The following CALCR variants were observed in gnomAD, a reference collection of about 807,000 sequenced individuals.
The protein encoded by CALCR is calcitonin receptor.
CALCR carries 47 observed loss-of-function variants against 59.5 expected under a neutral mutation model. The ratio of observed to expected loss-of-function variants is 0.79; its 90% CI spans 0.63 to 1.01. CALCR has a LOEUF of 1.01. CALCR is among the 50% of genes least tolerant of loss of function. CALCR has a pLI of 0.00. For missense variants in CALCR, 566 were observed against 597.1 expected, an observed-to-expected ratio of 0.95 and a Z score of 0.54; for synonymous variants, 213 against 211.3, an observed-to-expected ratio of 1.01 and a Z score of -0.07.
intron 5 of CALCR, among the ~76,000 whole-genome samples, chr7:93,472,770 C>A (rs928182394): frequency 7.4e-6 from 1 of 134,794 alleles, no homozygotes; most frequent in South Asian, 2.4e-4. Context: ...GAGATTGAAC[C>A]AGGATTTAGA....
chr7:93,453,885 G>A (rs556126537), intron 8 of CALCR, among the ~76,000 whole-genome samples: 2 of 152,128 alleles, frequency 1.3e-5, no homozygotes, highest in South Asian at 2.1e-4. Flanking sequence ...TGTGACCTTG[G>A]TTAAAAGACC....
rs564534583 is a variant in CALCR at position 93,438,820 on chromosome 7, C to T, written c.803-550G>A. ...AATACTTCAGAGAAGCCAGTACATT[C>T]CCTACCTTCTGTAGGTTCTGGCTAG... is the stretch of plus-strand genomic sequence containing the variant. On this transcript the variant is annotated intron_variant, in intron 9 of 13. Coordinates refer to ENST00000426151, the MANE Select transcript of CALCR (RefSeq NM_001742.4). Among the ~76,000 whole-genome samples the T allele has an allele frequency of 1.1e-4, 16 of 152,140 alleles. No individual in the cohort carries two copies. The South Asian group carries it at 2.1e-3, about 20-fold the overall frequency.
intron 2 of CALCR, among the ~76,000 whole-genome samples, chr7:93,566,246 CT>C (rs570342335): frequency 1.3e-5 from 2 of 151,432 alleles, no homozygotes; most frequent in African/African-American, 2.4e-5. Context: ...TCACATTTCA[CT>C]TTTTTTTTCT....
chr7:93,524,322 A>T (rs1461478872), intron 2 of CALCR, among the ~76,000 whole-genome samples: 1 of 151,820 alleles, frequency 6.6e-6, no homozygotes, highest in Admixed American at 6.6e-5. Context: ...GGCGCCTGCC[A>T]CCACGCCCGG....
At chr7:93,569,120 T>G (rs1445072731) in intron 2 of CALCR, among the ~76,000 whole-genome samples, 1 of 152,044 alleles carries the variant, frequency 6.6e-6, no homozygotes, top group Non-Finnish European at 1.5e-5. Flanking sequence ...CCCTAATTGA[T>G]TCTTCCCTCT....
At chr7:93,427,814 T>G (rs1799562775) in intron 13 of CALCR, among the ~76,000 whole-genome samples, 1 of 152,160 alleles carries the variant, frequency 6.6e-6, no homozygotes, top group Non-Finnish European at 1.5e-5. Context: ...GTTCATATAT[T>G]TTTAAAGATT....
At chr7:93,561,713 C>T (rs1201881275) in intron 2 of CALCR, among the ~76,000 whole-genome samples, 1 of 152,054 alleles carries the variant, frequency 6.6e-6, no homozygotes, top group Non-Finnish European at 1.5e-5. Flanking sequence ...TTTTATTTTG[C>T]TGCCAGACAG....
intron 2 of CALCR, among the ~76,000 whole-genome samples, chr7:93,524,336 A>AC (rs1801831116): frequency 6.6e-6 from 1 of 151,674 alleles, no homozygotes; most frequent in Non-Finnish European, 1.5e-5. Context: ...CGCCCGGCTA[A>AC]TTTTTTGGTA....
intron 3 of CALCR, among the ~76,000 whole-genome samples, chr7:93,480,823 G>C (rs566442612): frequency 3.3e-5 from 5 of 151,870 alleles, no homozygotes; most frequent in Non-Finnish European, 5.9e-5. Context: ...CACAAGGGGG[G>C]GTCGAGAAGC....
At chr7:93,476,310 T>G (rs1800665212) in intron 5 of CALCR, among the ~76,000 whole-genome samples, 1 of 151,844 alleles carries the variant, frequency 6.6e-6, no homozygotes, top group Non-Finnish European at 1.5e-5. Context: ...CACTATCTTT[T>G]ACCAAGTACT....
At chr7:93,430,959 T>C (rs1799647030) in intron 13 of CALCR, among the ~76,000 whole-genome samples, 1 of 152,204 alleles carries the variant, frequency 6.6e-6, no homozygotes. Context: ...CTTTATTGAG[T>C]GGGAGAATTT....
chr7:93,427,520 C>G (rs553233596), intron 13 of CALCR, among the ~76,000 whole-genome samples: 1 of 152,294 alleles, frequency 6.6e-6, no homozygotes, highest in East Asian at 1.9e-4. Flanking sequence ...TATGATACAT[C>G]CTTAGTTCAT....
intron 2 of CALCR, among the ~76,000 whole-genome samples, chr7:93,511,064 A>G (rs1319042225): frequency 2.0e-5 from 3 of 150,380 alleles, no homozygotes; most frequent in African/African-American, 7.3e-5. Flanking sequence ...GCTTAGTGAA[A>G]AAAACCCTCT....
intron 2 of CALCR, among the ~76,000 whole-genome samples, chr7:93,492,257 C>G (rs140663854): frequency 6.7e-6 from 1 of 150,064 alleles, no homozygotes; most frequent in Admixed American, 6.7e-5. Flanking sequence ...GGGAGGGGTG[C>G]GAAGGGAGGA....
chr7:93,560,157 G>C (rs1789711932), intron 2 of CALCR, among the ~76,000 whole-genome samples: 1 of 151,994 alleles, frequency 6.6e-6, no homozygotes, highest in African/African-American at 2.4e-5. Flanking sequence ...TCCCTTTGAG[G>C]ACTGAACTAT....
chr7:93,451,704 G>C (rs1800113029), intron 8 of CALCR, among the ~76,000 whole-genome samples: 1 of 151,896 alleles, frequency 6.6e-6, no homozygotes, highest in African/African-American at 2.4e-5. Context: ...GTTGTGGTGT[G>C]GGGCTTGAGA....
In CALCR at chr7:93,524,362, C is replaced by G. The variant is rs575408944; in HGVS notation, c.-26-37355G>C. 3.3e-3 allele frequency among the ~76,000 whole-genome samples: 506 copies of G among 151,586 alleles called. 3 individuals carry two copies. Among genetic ancestry groups the G allele is most frequent in the East Asian group, 4.5e-3 (23 of 5,136 alleles). On this transcript the variant is annotated intron_variant, in intron 2 of 13. Coordinates refer to ENST00000426151, the MANE Select transcript of CALCR (RefSeq NM_001742.4). ...TTTTTTGGTATTTTTAGTAGAGACG[C>G]GGTTTCACCGTGTTAGCCAGGATGG...
intron 2 of CALCR, among the ~76,000 whole-genome samples, chr7:93,551,552 A>G (rs538911609): frequency 4.6e-5 from 7 of 152,270 alleles, no homozygotes; most frequent in Non-Finnish European, 7.4e-5. Context: ...TAGTAACTTT[A>G]TTTGTAGGCA....
At chr7:93,442,676 G>A (rs1799932268) in intron 9 of CALCR, among the ~76,000 whole-genome samples, 2 of 152,060 alleles carry the variant, frequency 1.3e-5, no homozygotes, top group Admixed American at 6.6e-5. Flanking sequence ...TGCATTAAAG[G>A]GCAAGCTTAG....
Sources: allele counts gnomAD v4.1 joint callset (sites outside exome capture counted in the v4.1 genomes callset), GRCh38; gene constraint gnomAD v4.1.1; transcripts MANE v1.5; gene names NCBI Gene and HGNC (gene_info 2026-07-23, HGNC 2026-07-21).